Variants in MAST1 observed in about 807,000 individuals in gnomAD.
The protein encoded by MAST1 is microtubule associated serine/threonine kinase 1.
In MAST1, 40 loss-of-function variants were observed where a neutral mutation model predicts 124.6. The ratio of observed to expected loss-of-function variants is 0.32; its 90% CI spans 0.25 to 0.42. The LOEUF (loss-of-function observed/expected upper bound fraction) is 0.42. Ranked by LOEUF, MAST1 falls within the 10% of genes least tolerant of loss-of-function variation. MAST1 has a pLI of 1.00. For synonymous variants in MAST1, 938 were observed against 939.4 expected (o/e 1.00, Z 0.03); for missense variants, 1,558 against 2,181.9 (o/e 0.71, Z 5.70).
intron 12 of MAST1, among the ~76,000 whole-genome samples, chr19:12,859,449 C>T (rs555588161): frequency 2.0e-5 from 3 of 152,132 alleles, no homozygotes; most frequent in South Asian, 2.1e-4. Flanking sequence ...TGTAGTGGTG[C>T]GATCACAGCT....
In MAST1 at chr19:12,847,202, C is replaced by G. The variant is rs74816563; in HGVS notation, c.328-88C>G. The G allele has an allele frequency of 2.1e-3, 1,693 of 818,054 alleles. 17 individuals are homozygous for G. The African/African-American group carries it at 0.026, about 13-fold the overall frequency. The allele number at this position is 818,054 out of a possible 1,614,324, so 50.7% of individuals were successfully genotyped here. ...CCTGATCCTGGCCTTGCCCAGTGAC[C>G]CCATCGGCTTTGGGAGTCCCAGCTC... On this transcript the variant is annotated intron_variant, in intron 4 of 25. Coordinates refer to ENST00000251472, the MANE Select transcript of MAST1 (RefSeq NM_014975.3). The surrounding 1 kb of genome is among the most constrained non-coding windows in gnomAD (Gnocchi z 5.5).
intron 10 of MAST1, among the ~76,000 whole-genome samples, chr19:12,854,146 A>G (rs1194242412): frequency 1.4e-5 from 2 of 141,362 alleles, no homozygotes; most frequent in Non-Finnish European, 3.0e-5. Flanking sequence ...TTTTTGAGAC[A>G]GAATTTCACT....
chr19:12,848,003 C>T lies in MAST1; in HGVS notation c.720C>T (p.Ile240=), dbSNP rs1402430280. Residue 240 remains isoleucine (I), a synonymous_variant, in exon 7 of 26, where the codon ATC becomes ATT. Transcript: ENST00000251472. ...DCLTKSRDGL[I]TTVYFYELQE... ...TGACCAAGTCCCGTGACGGCCTCAT[C>T]ACCACGGTCTACTTCTATGAATTGC... is the stretch of plus-strand genomic sequence containing the variant. 1 of 1,614,188 alleles carries T rather than the reference C, an allele frequency of 6.2e-7. No individual in the cohort carries two copies. The highest frequency in any genetic ancestry group is 8.5e-7 in the Non-Finnish European group (1 of 1,180,012).
At chr19:12,858,953 T>TAA in intron 12 of MAST1, 1 of 610,040 alleles carries the variant, frequency 1.6e-6, no homozygotes, top group Non-Finnish European at 2.9e-6. Context: ...TCATTCAGCA[T>TAA]AAAAACATTC....
At chr19:12,845,719 C>T (rs1006620615) in intron 4 of MAST1, among the ~76,000 whole-genome samples, 3 of 149,052 alleles carry the variant, frequency 2.0e-5, no homozygotes, top group Non-Finnish European at 4.4e-5. Context: ...TGCAATGGCA[C>T]CGTGCCGGCT....
chr19:12,869,158 G>A lies in MAST1; in HGVS notation c.2866G>A (p.Asp956Asn). The change falls in exon 22 of 26, where the codon GAC becomes AAC. Residue 956 changes from aspartate to asparagine, a missense_variant. This residue lies in a region of MAST1 where 291 missense variants were observed against 475.8 expected (regional missense o/e 0.61). Coordinates refer to ENST00000251472, the MANE Select transcript of MAST1 (RefSeq NM_014975.3). ...CTCACGGGACTCCTCACCCAGCCGGGACTACTCACCAGCTGTCAGTGGGCT... is the reference window on the plus strand; with the variant it reads ...CTCACGGGACTCCTCACCCAGCCGGAACTACTCACCAGCTGTCAGTGGGCT... ...PSSRDSSPSR[D>N]YSPAVSGLRS... 2 of 1,614,198 alleles carry A rather than the reference G, an allele frequency of 1.2e-6. No individual in the cohort carries two copies. The highest frequency in any genetic ancestry group is 1.1e-5 in the South Asian group (1 of 91,082).
chr19:12,861,550 A>G (rs1340352217), intron 12 of MAST1, among the ~76,000 whole-genome samples: 2 of 152,166 alleles, frequency 1.3e-5, no homozygotes, highest in African/African-American at 4.8e-5. Context: ...CAAGTGAGCA[A>G]GGGAGGGGAG....
chr19:12,840,604 C>T, intron 2 of MAST1, 70 bp downstream of exon 2: 3 of 1,142,422 alleles, frequency 2.6e-6, no homozygotes, highest in Admixed American at 2.0e-5. Context: ...GGCGAGGAAG[C>T]GTGGTCATGC....
At chr19:12,856,051 C>T (rs1336606924) in intron 10 of MAST1, among the ~76,000 whole-genome samples, 1 of 151,720 alleles carries the variant, frequency 6.6e-6, no homozygotes, top group African/African-American at 2.4e-5. Context: ...CATAAGATAC[C>T]TCTTACACTC....
At chr19:12,852,949 A>T (rs1362503236) in intron 10 of MAST1, among the ~76,000 whole-genome samples, 1 of 151,870 alleles carries the variant, frequency 6.6e-6, no homozygotes, top group East Asian at 1.9e-4. Context: ...TTTTTTAACC[A>T]TTTTATTTTA....
In MAST1 at chr19:12,865,250, G is replaced by A; in HGVS notation, c.1639-66G>A. On this transcript the variant is annotated intron_variant, in intron 14 of 25. Transcript: ENST00000251472. This position sits in a 1 kb window ranked among gnomAD's most constrained non-coding sequence, Gnocchi z 7.1. Reference sequence around the variant, plus strand: ...GGACCTCGGGAACCCAGGGCCTGGTGGGGGGCACAGCTCTCCCTTGAGGGC... The same window carrying A: ...GGACCTCGGGAACCCAGGGCCTGGTAGGGGGCACAGCTCTCCCTTGAGGGC... 1.3e-6 allele frequency: 2 copies of A among 1,586,642 alleles called. No homozygotes were observed. The highest frequency in any genetic ancestry group is 1.7e-4 in the Middle Eastern group (1 of 5,902).
intron 2 of MAST1, 140 bp downstream of exon 2, chr19:12,840,674 C>A (rs1287217074): frequency 2.9e-6 from 2 of 683,890 alleles, no homozygotes; most frequent in Non-Finnish European, 5.3e-6. Flanking sequence ...CGGGGCCATG[C>A]TTGTGTGGGT....
In MAST1 at chr19:12,842,665, G is replaced by A. The variant is rs114271885; in HGVS notation, c.249-864G>A. On this transcript the variant is annotated intron_variant, in intron 3 of 25. Transcript: ENST00000251472. The stretch of plus-strand genomic sequence containing the variant: ...GTGTTGTGCACTCACATGAGCACGC[G>A]CCGATGTGTGTCCCTGTGTGTGTGC... Among the ~76,000 whole-genome samples, 602 of 152,270 alleles carry A rather than the reference G, an allele frequency of 4.0e-3. 6 individuals are homozygous for A. The highest frequency in any genetic ancestry group is 0.014 in the African/African-American group (577 of 41,560).
rs746538311 is a variant in MAST1 at position 12,838,527 on chromosome 19, T to G, written c.-46T>G. 46 of 1,401,168 alleles carry G rather than the reference T, an allele frequency of 3.3e-5. No individual in the cohort carries two copies. Among genetic ancestry groups the G allele is most frequent in the East Asian group, 3.1e-4 (11 of 35,190 alleles). 86.8% of individuals were successfully genotyped at this position (1,401,168 alleles called of 1,614,324 possible). On this transcript the variant is annotated 5_prime_UTR_variant, in exon 1 of 26. Transcript: ENST00000251472. The surrounding 1 kb of genome is among the most constrained non-coding windows in gnomAD (Gnocchi z 4.3). ...TCCCCGCGCCGCCGCCGCCGCCGCC[T>G]CCGCCGCTGCTGCCGCACCTGCCAC...
Position 12,858,632 on chromosome 19 carries a change from T to C in MAST1, c.1259T>C (p.Phe420Ser). Reference sequence around the variant, plus strand: ...CTCCGCAACCAGATCCAGCAGGCCTTTGTGGAGCGCGATATCCTCACCTTC... The same window carrying C: ...CTCCGCAACCAGATCCAGCAGGCCTCTGTGGAGCGCGATATCCTCACCTTC... Reference protein sequence around the residue: ...LILRNQIQQAFVERDILTFAE... With the variant: ...LILRNQIQQASVERDILTFAE... Residue 420 changes from phenylalanine (F) to serine (S), a missense_variant, in exon 12 of 26, where the codon TTT (phenylalanine) becomes TCT (serine). Physicochemically the swap from Phe to Ser is radical, Grantham distance 155 (BLOSUM62 -2). Transcript: ENST00000251472. 1 of 1,614,210 alleles carries C rather than the reference T, an allele frequency of 6.2e-7. No homozygotes were observed. Among genetic ancestry groups the C allele is most frequent in the Non-Finnish European group, 8.5e-7 (1 of 1,180,034 alleles).
At chr19:12,867,254 G>C (rs1970166800) in intron 18 of MAST1, among the ~76,000 whole-genome samples, 1 of 152,174 alleles carries the variant, frequency 6.6e-6, no homozygotes, top group East Asian at 1.9e-4. Context: ...AGATTGGTCA[G>C]GGCATCGTCG....
chr19:12,873,003 A>C (rs1970256918), intron 24 of MAST1, among the ~76,000 whole-genome samples: 1 of 152,014 alleles, frequency 6.6e-6, no homozygotes, highest in Admixed American at 6.6e-5. Context: ...GAGGAGCTAA[A>C]GGAAGTTCTA....
rs1382230666 is a variant in MAST1 at position 12,874,772 on chromosome 19, C to A, written c.4615C>A (p.Pro1539Thr). The A allele has an allele frequency of 1.2e-6, 2 of 1,604,738 alleles. No individual in the cohort carries two copies. The highest frequency in any genetic ancestry group is 1.7e-5 in the Admixed American group (1 of 59,688). Residue 1539 changes from proline (P) to threonine (T), a missense_variant, in exon 26 of 26, where the codon CCT becomes ACT. Physicochemically the swap from Pro to Thr is conservative, Grantham distance 38. Transcript: ENST00000251472. The surrounding 1 kb of genome is among the most constrained non-coding windows in gnomAD (Gnocchi z 6.6). ...PASLLGSGTK[P>T]QVGLTSRCPA... is the part of the protein sequence containing the mutation. ...ATCCCTCTTGGGCTCAGGCACCAAG[C>A]CTCAAGTGGGGCTGACCTCCCGGTG...
intron 12 of MAST1, among the ~76,000 whole-genome samples, chr19:12,864,390 T>C (rs1316229100): frequency 7.6e-6 from 1 of 131,716 alleles, no homozygotes; most frequent in South Asian, 2.7e-4. Context: ...TAAGACCCTG[T>C]CTCAAAAAAA....
Sources: gnomAD v4.1 joint callset for allele counts (sites outside exome capture counted in the v4.1 genomes callset) on GRCh38, gnomAD v4.1.1 for gene constraint, gnomAD v4.1.1 regional missense constraint, Gnocchi (gnomAD v3.1) non-coding constraint, MANE v1.5 for transcripts, NCBI Gene and HGNC (gene_info 2026-07-23, HGNC 2026-07-21) for gene names.